The following DYNC1I1 variants were observed in gnomAD, a reference collection of about 807,000 sequenced individuals.
DYNC1I1 encodes cytoplasmic dynein 1 intermediate chain 1.
A neutral mutation model predicts 86.6 loss-of-function variants in DYNC1I1; 43 were observed. That is an observed-to-expected ratio of 0.50 (90% CI 0.39 to 0.64). The LOEUF is 0.64. DYNC1I1 is among the 30% of genes least tolerant of loss of function. DYNC1I1 has a pLI of 0.00. For synonymous variants in DYNC1I1, 262 were observed against 283.7 expected (o/e 0.92, Z 0.77); for missense variants, 604 against 788.8 (o/e 0.77, Z 2.81).
At chr7:95,985,082 G>A (rs1793553025) in intron 8 of DYNC1I1, 105 bp downstream of exon 8, 1 of 1,515,010 alleles carries the variant, frequency 6.6e-7, no homozygotes, top group African/African-American at 1.4e-5. Context: ...AATCAGAGGA[G>A]GGTGAAATTT....
chr7:95,789,735 T>A (rs1384248106), intron 1 of DYNC1I1, among the ~76,000 whole-genome samples: 1 of 152,202 alleles, frequency 6.6e-6, no homozygotes, highest in Admixed American at 6.5e-5. Context: ...GTGGGTGTCA[T>A]GACATGCAAA....
At chr7:95,930,163 T>A (rs1791852504) in intron 6 of DYNC1I1, among the ~76,000 whole-genome samples, 1 of 152,238 alleles carries the variant, frequency 6.6e-6, no homozygotes, top group Non-Finnish European at 1.5e-5. Flanking sequence ...TATTCTAGCC[T>A]GGCTGGTTGC....
At chr7:95,902,422 C>T (rs1791063078) in intron 6 of DYNC1I1, among the ~76,000 whole-genome samples, 1 of 152,172 alleles carries the variant, frequency 6.6e-6, no homozygotes, top group Non-Finnish European at 1.5e-5. Flanking sequence ...TTGTTAGCAT[C>T]ACTTCTTGTT....
intron 4 of DYNC1I1, among the ~76,000 whole-genome samples, chr7:95,826,095 A>G (rs1795196881): frequency 6.6e-6 from 1 of 152,218 alleles, no homozygotes; most frequent in African/African-American, 2.4e-5. Flanking sequence ...TTTGAAATGC[A>G]GAGTCTCGGG....
At chr7:95,963,777 C>G (rs1162797575) in intron 6 of DYNC1I1, among the ~76,000 whole-genome samples, 2 of 152,126 alleles carry the variant, frequency 1.3e-5, no homozygotes, top group Non-Finnish European at 2.9e-5. Flanking sequence ...TTTGACCAAC[C>G]TGATGTTTCA....
At chr7:96,077,115 C>A (rs1360249862) in intron 15 of DYNC1I1, among the ~76,000 whole-genome samples, 1 of 152,060 alleles carries the variant, frequency 6.6e-6, no homozygotes, top group African/African-American at 2.4e-5. Context: ...GTGCTGCGAA[C>A]TATATGTCAA....
At chr7:96,107,496 G>A (rs1459630357) in intron 16 of DYNC1I1, among the ~76,000 whole-genome samples, 7 of 149,994 alleles carry the variant, frequency 4.7e-5, no homozygotes, top group Non-Finnish European at 8.9e-5. Context: ...TTAGGGAAAA[G>A]TTTGTTTATG....
At chr7:95,954,071 CT>C (rs1792633026) in intron 6 of DYNC1I1, among the ~76,000 whole-genome samples, 1 of 151,926 alleles carries the variant, frequency 6.6e-6, no homozygotes, top group African/African-American at 2.4e-5. Context: ...AAAACATGAA[CT>C]CCAAGGCAGC....
At chr7:95,774,387 G>C (rs1378784592) in intron 1 of DYNC1I1, among the ~76,000 whole-genome samples, 1 of 152,188 alleles carries the variant, frequency 6.6e-6, no homozygotes, top group East Asian at 1.9e-4. Flanking sequence ...CCCTGGAGGA[G>C]GAGGGGCTGG....
At chr7:95,858,452 T>G (rs576555547) in intron 5 of DYNC1I1, among the ~76,000 whole-genome samples, 9 of 152,144 alleles carry the variant, frequency 5.9e-5, no homozygotes, top group Non-Finnish European at 1.3e-4. Flanking sequence ...AAGAGTACAC[T>G]CTAAAATAAC....
chr7:95,813,107 T>C lies in DYNC1I1; in HGVS notation c.224-140T>C, dbSNP rs186463299. 5,114 of 1,407,874 alleles carry C rather than the reference T, an allele frequency of 3.6e-3. 81 individuals are homozygous for C. The East Asian group carries it at 0.037, about 10-fold the overall frequency. 87.2% of individuals were successfully genotyped at this position (1,407,874 alleles called of 1,614,324 possible). ...CCTTTTCTTTCCTTTTTTTTTTTTTTCTTTATCCCATCTCAATGTCTCCTG... is the reference window on the plus strand; with the variant it reads ...CCTTTTCTTTCCTTTTTTTTTTTTTCCTTTATCCCATCTCAATGTCTCCTG... On this transcript the variant is annotated intron_variant, in intron 3 of 16. Transcript: ENST00000447467.
At chr7:95,879,644 C>T (rs1486513206) in intron 6 of DYNC1I1, among the ~76,000 whole-genome samples, 1 of 152,014 alleles carries the variant, frequency 6.6e-6, no homozygotes, top group Non-Finnish European at 1.5e-5. Flanking sequence ...GTGTGGCCTC[C>T]ATACATTTTA....
At chr7:95,809,012 T>C (rs1050285934) in intron 2 of DYNC1I1, among the ~76,000 whole-genome samples, 2 of 152,182 alleles carry the variant, frequency 1.3e-5, no homozygotes, top group African/African-American at 4.8e-5. Flanking sequence ...AACTTTGATA[T>C]CTTCACTGAT....
intron 16 of DYNC1I1, among the ~76,000 whole-genome samples, chr7:96,096,596 A>T (rs546489971): frequency 1.3e-5 from 2 of 152,122 alleles, no homozygotes; most frequent in Non-Finnish European, 2.9e-5. Flanking sequence ...ATGTGGAGAA[A>T]TCATTATCCT....
chr7:95,916,651 C>T (rs1055176437), intron 6 of DYNC1I1, among the ~76,000 whole-genome samples: 2 of 152,024 alleles, frequency 1.3e-5, no homozygotes, highest in Admixed American at 1.3e-4. Context: ...ATTATGTGAC[C>T]ATTCATTGTT....
At chr7:95,907,372 A>C (rs1320173959) in intron 6 of DYNC1I1, among the ~76,000 whole-genome samples, 1 of 152,034 alleles carries the variant, frequency 6.6e-6, no homozygotes, top group African/African-American at 2.4e-5. Flanking sequence ...ATTTTGGGGG[A>C]AACTTTAGGA....
At chr7:95,803,833 CAA>C (rs1794640175) in intron 1 of DYNC1I1, among the ~76,000 whole-genome samples, 2 of 152,240 alleles carry the variant, frequency 1.3e-5, no homozygotes, top group Non-Finnish European at 2.9e-5. Context: ...TTTGGGAGCA[CAA>C]AAGACTCAAA....
chr7:95,900,171 T>G (rs774859636), intron 6 of DYNC1I1, among the ~76,000 whole-genome samples: 36 of 152,172 alleles, frequency 2.4e-4, no homozygotes, highest in Non-Finnish European at 4.6e-4. Flanking sequence ...TTTTCAACAC[T>G]GCTCCATAGC....
chr7:95,903,308 C>G (rs1417070546), intron 6 of DYNC1I1, among the ~76,000 whole-genome samples: 2 of 152,114 alleles, frequency 1.3e-5, no homozygotes, highest in Non-Finnish European at 2.9e-5. Context: ...GTGTTTTGTG[C>G]CATTTTACCC....
Sources: gnomAD v4.1 joint callset for allele counts (sites outside exome capture counted in the v4.1 genomes callset) on GRCh38, gnomAD v4.1.1 for gene constraint, MANE v1.5 for transcripts, NCBI Gene and HGNC (gene_info 2026-07-23, HGNC 2026-07-21) for gene names.